Variants in SYNPR observed in about 807,000 individuals in gnomAD.
SYNPR encodes synaptoporin.
Under a neutral mutation model 32.9 loss-of-function variants are expected in SYNPR, and 23 were observed. That is an observed-to-expected ratio of 0.70 (90% confidence interval 0.50 to 0.99). The LOEUF is 0.99. Ranked by LOEUF, SYNPR falls within the 50% of genes least tolerant of loss-of-function variation. The pLI, the probability that SYNPR is intolerant of heterozygous loss-of-function variation, is 0.00. For synonymous variants in SYNPR, 146 were observed against 135.9 expected (o/e 1.07, Z -0.52); for missense variants, 318 against 349.3 (o/e 0.91, Z 0.71).
intron 3 of SYNPR, among the ~76,000 whole-genome samples, chr3:63,489,126 G>A (rs186185518): frequency 1.3e-5 from 2 of 152,218 alleles, no homozygotes; most frequent in Middle Eastern, 3.4e-3. Flanking sequence ...TGAGGAATGG[G>A]GACATGAGAC....
chr3:63,345,220 T>G (rs2087422539), intron 2 of SYNPR, among the ~76,000 whole-genome samples: 2 of 152,228 alleles, frequency 1.3e-5, no homozygotes, highest in African/African-American at 4.8e-5. Context: ...GTGGTTTTAG[T>G]CTCAGAACAA....
intron 4 of SYNPR, among the ~76,000 whole-genome samples, chr3:63,604,722 C>T (rs1700093735): frequency 6.6e-6 from 1 of 152,120 alleles, no homozygotes; most frequent in Middle Eastern, 3.4e-3. Flanking sequence ...ATATGATTTT[C>T]AAAAATTTAC....
At chr3:63,227,839 C>T (rs746632877), upstream of SYNPR, among the ~76,000 whole-genome samples, 5 of 152,180 alleles carry the variant, frequency 3.3e-5, no homozygotes, top group African/African-American at 4.8e-5. Flanking sequence ...ATGGCTACTT[C>T]TAACTCCAAG....
chr3:63,452,210 G>A (rs1310632492), intron 2 of SYNPR: 3 of 599,144 alleles, frequency 5.0e-6, no homozygotes, highest in African/African-American at 3.7e-5. Context: ...CTGGGTGCCG[G>A]GTTAAGATTT....
At chr3:63,202,561 C>T in the SYNPR span, among the ~76,000 whole-genome samples, 1 of 151,414 alleles carries the variant, frequency 6.6e-6, no homozygotes, top group Non-Finnish European at 1.5e-5. Context: ...GTAGAATTTC[C>T]TGGCTCCAAA....
chr3:63,580,060 A>G (rs182129986), intron 4 of SYNPR, among the ~76,000 whole-genome samples: 12 of 152,288 alleles, frequency 7.9e-5, no homozygotes, highest in African/African-American at 2.4e-4. Flanking sequence ...GGAGAAATTC[A>G]TCCTCGCAGC....
intron 4 of SYNPR, among the ~76,000 whole-genome samples, chr3:63,582,552 G>C (rs1206812895): frequency 6.6e-6 from 1 of 152,046 alleles, no homozygotes; most frequent in Non-Finnish European, 1.5e-5. Flanking sequence ...GTTTCATTAA[G>C]CAGTCAATTA....
At chr3:63,614,749 A>G (rs1700252719) in intron 5 of SYNPR, among the ~76,000 whole-genome samples, 1 of 152,214 alleles carries the variant, frequency 6.6e-6, no homozygotes, top group African/African-American at 2.4e-5. Flanking sequence ...AGCCTTATAA[A>G]TGAATGCACC....
At chr3:63,272,037 G>T (rs115476432) in intron 3 of SYNPR, among the ~76,000 whole-genome samples, 2,508 of 152,186 alleles carry the variant, frequency 0.016, 81 homozygotes, top group African/African-American at 0.057. Context: ...GACAATAAAT[G>T]ACTTCTTAAA....
At chr3:63,398,516 C>A (rs1041352337) in intron 2 of SYNPR, among the ~76,000 whole-genome samples, 10 of 151,004 alleles carry the variant, frequency 6.6e-5, no homozygotes, top group African/African-American at 2.4e-4. Context: ...GTCAGGAGAT[C>A]GAGACCATGG....
At chr3:63,295,600 G>A (rs2086785898) in intron 2 of SYNPR, among the ~76,000 whole-genome samples, 1 of 152,178 alleles carries the variant, frequency 6.6e-6, no homozygotes, top group African/African-American at 2.4e-5. Context: ...TCTCAATCAG[G>A]TGGTGAATTC....
intron 3 of SYNPR, among the ~76,000 whole-genome samples, chr3:63,513,732 T>A (rs62252780): frequency 0.028 from 4,253 of 151,944 alleles, 141 homozygotes; most frequent in East Asian, 0.15. Context: ...AGAACTTGAG[T>A]GGTTTTGCAT....
chr3:63,400,386 C>T (rs755030357), intron 2 of SYNPR, among the ~76,000 whole-genome samples: 2 of 152,216 alleles, frequency 1.3e-5, no homozygotes. Context: ...ATGTCAGTCA[C>T]GGCTGCAGTA....
At chr3:63,227,477 C>A (rs543351491), upstream of SYNPR, among the ~76,000 whole-genome samples, 1 of 152,248 alleles carries the variant, frequency 6.6e-6, no homozygotes, top group African/African-American at 2.4e-5. Flanking sequence ...AAACAGAAAC[C>A]AAACTACGGT....
intron 2 of SYNPR, among the ~76,000 whole-genome samples, chr3:63,340,492 T>C (rs2087352964): frequency 6.9e-6 from 1 of 145,656 alleles, no homozygotes; most frequent in African/African-American, 2.5e-5. Context: ...GGATCTCGGC[T>C]CACTGCAAGC....
At chr3:63,612,651 T>A (rs1416016381) in intron 5 of SYNPR, among the ~76,000 whole-genome samples, 1 of 152,154 alleles carries the variant, frequency 6.6e-6, no homozygotes, top group African/African-American at 2.4e-5. Context: ...AGCCAAGAGA[T>A]CTGTGATGCT....
intron 5 of SYNPR, among the ~76,000 whole-genome samples, chr3:63,611,814 G>A (rs185104653): frequency 3.3e-5 from 5 of 152,266 alleles, no homozygotes; most frequent in African/African-American, 9.6e-5. Flanking sequence ...TTCTGGTAGA[G>A]AGAATCTCTT....
chr3:63,421,006 A>G (rs572090257), intron 2 of SYNPR, among the ~76,000 whole-genome samples: 1 of 152,230 alleles, frequency 6.6e-6, no homozygotes, highest in Admixed American at 6.5e-5. Context: ...TCAGCCTTCC[A>G]ACTAGCTGTA....
chr3:63,346,149 A>G lies in SYNPR; in HGVS notation c.84+67407A>G, dbSNP rs550321558. 7.0e-4 allele frequency among the ~76,000 whole-genome samples: 107 copies of G among 152,142 alleles called. 1 individual carries two copies. In the South Asian group the frequency reaches 0.021, roughly 30 times the overall value. ...TTTTATTCAAACTCTTCATACATCA[A>G]TTTTGTTTTTATCATTAGAGCCATT... is the stretch of plus-strand genomic sequence containing the variant. On this transcript the variant is annotated intron_variant, in intron 2 of 5. Transcript: ENST00000478300.
Sources: gnomAD v4.1 joint callset for allele counts (sites outside exome capture counted in the v4.1 genomes callset) on GRCh38, gnomAD v4.1.1 for gene constraint, MANE v1.5 for transcripts, NCBI Gene and HGNC (gene_info 2026-07-23, HGNC 2026-07-21) for gene names.